SPMIP11: variants seen among roughly 807,000 people sequenced by gnomAD.
SPMIP11 encodes sperm microtubule inner protein 11.
the SPMIP11 span, among the ~76,000 whole-genome samples, chr12:48,749,895 G>A: frequency 5.3e-5 from 8 of 151,372 alleles, no homozygotes; most frequent in South Asian, 1.2e-3. Context: ...GTTTCACCGT[G>A]TTAGCCAGGA....
the SPMIP11 span, among the ~76,000 whole-genome samples, chr12:48,752,031 T>A: frequency 6.8e-6 from 1 of 147,084 alleles, no homozygotes; most frequent in South Asian, 2.1e-4. Flanking sequence ...CATGCCACTG[T>A]GCTCCAGCCT....
chr12:48,763,987 T>C, the SPMIP11 span, among the ~76,000 whole-genome samples: 1 of 146,294 alleles, frequency 6.8e-6, no homozygotes, highest in Non-Finnish European at 1.5e-5. Flanking sequence ...CAAAAGTACT[T>C]TTTTTTTTTT....
At chr12:48,769,002 T>C in the SPMIP11 span, 2 of 1,613,970 alleles carry the variant, frequency 1.2e-6, no homozygotes, top group Non-Finnish European at 1.7e-6. Context: ...TTCCCCCAGA[T>C]GTCATACTGT....
the SPMIP11 span, among the ~76,000 whole-genome samples, chr12:48,751,327 G>A: frequency 2.0e-5 from 3 of 152,182 alleles, no homozygotes; most frequent in Non-Finnish European, 4.4e-5. Context: ...CAGAAACTCA[G>A]TTTAAGCCAG....
chr12:48,728,048 CAAAA>C, the SPMIP11 span, among the ~76,000 whole-genome samples: 6 of 143,858 alleles, frequency 4.2e-5, no homozygotes, highest in African/African-American at 1.5e-4. Context: ...GAAACCATCT[CAAAA>C]AAAAAAAAAG....
At chr12:48,770,056 C>T in the SPMIP11 span, among the ~76,000 whole-genome samples, 6 of 149,590 alleles carry the variant, frequency 4.0e-5, no homozygotes, top group African/African-American at 1.5e-4. Context: ...CCACTGCGCC[C>T]GGCCTAATTT....
the SPMIP11 span, among the ~76,000 whole-genome samples, chr12:48,737,702 A>C: frequency 6.6e-6 from 1 of 152,158 alleles, no homozygotes; most frequent in African/African-American, 2.4e-5. Context: ...GGCGTGAGCC[A>C]CCGTGCCCAG....
At chr12:48,763,414 A>G in the SPMIP11 span, among the ~76,000 whole-genome samples, 1,804 of 151,742 alleles carry the variant, frequency 0.012, 29 homozygotes, top group African/African-American at 0.042. Flanking sequence ...GGCTGGAGTG[A>G]TCCATCTGCC....
the SPMIP11 span, among the ~76,000 whole-genome samples, chr12:48,762,036 C>T: frequency 7.1e-6 from 1 of 139,988 alleles, no homozygotes; most frequent in Non-Finnish European, 1.5e-5. Context: ...ATATAACACT[C>T]TTATAACATT....
chr12:48,770,012 C>T, the SPMIP11 span, among the ~76,000 whole-genome samples: 1 of 151,540 alleles, frequency 6.6e-6, no homozygotes, highest in African/African-American at 2.4e-5. Context: ...CCGCCTGCCT[C>T]GGACTCCCAA....
At chr12:48,730,712 T>C in the SPMIP11 span, among the ~76,000 whole-genome samples, 15 of 150,764 alleles carry the variant, frequency 9.9e-5, no homozygotes, top group East Asian at 2.8e-3. Context: ...CCGAGGCGGG[T>C]GGATCACCTG....
the SPMIP11 span, chr12:48,768,400 G>A: frequency 1.5e-4 from 115 of 747,302 alleles, 1 homozygote; most frequent in South Asian, 1.5e-3. Context: ...TAATCCTCTC[G>A]GTAGGTAGCC....
chr12:48,766,885 C>G, the SPMIP11 span: 2 of 152,306 alleles, frequency 1.3e-5, no homozygotes, highest in African/African-American at 4.8e-5. Context: ...AACTGAGGCA[C>G]CAACAAATTC....
the SPMIP11 span, among the ~76,000 whole-genome samples, chr12:48,770,201 G>A: frequency 6.6e-6 from 1 of 151,778 alleles, no homozygotes; most frequent in Non-Finnish European, 1.5e-5. Context: ...ACCGCGCCCG[G>A]CATGGCTTCA....
chr12:48,761,149 C>T, the SPMIP11 span, among the ~76,000 whole-genome samples: 2 of 150,708 alleles, frequency 1.3e-5, no homozygotes, highest in Non-Finnish European at 3.0e-5. Context: ...GGTGAAATCC[C>T]ATCTATAAAA....
At chr12:48,748,763 G>C in the SPMIP11 span, among the ~76,000 whole-genome samples, 1 of 152,124 alleles carries the variant, frequency 6.6e-6, no homozygotes. Flanking sequence ...GCAATTGGTA[G>C]ATAATTTCCA....
the SPMIP11 span, among the ~76,000 whole-genome samples, chr12:48,729,983 A>G: frequency 1.3e-5 from 2 of 152,084 alleles, no homozygotes; most frequent in African/African-American, 2.4e-5. Flanking sequence ...TCTTTCAGAA[A>G]AACAAACTCT....
the SPMIP11 span, chr12:48,771,172 C>T: frequency 1.7e-5 from 10 of 595,408 alleles, no homozygotes; most frequent in Non-Finnish European, 2.7e-5. This position sits in a 1 kb window ranked among gnomAD's most constrained non-coding sequence, Gnocchi z 4.3. Flanking sequence ...GGGCATACAG[C>T]TTCAGAAGGT....
the SPMIP11 span, among the ~76,000 whole-genome samples, chr12:48,757,884 C>T: frequency 6.6e-6 from 1 of 151,878 alleles, no homozygotes; most frequent in Non-Finnish European, 1.5e-5. Flanking sequence ...ATCCCAGCTA[C>T]TTGGCAGGCT....
Sources: allele counts gnomAD v4.1 joint callset (sites outside exome capture counted in the v4.1 genomes callset), GRCh38; gene constraint gnomAD v4.1.1; non-coding constraint Gnocchi (gnomAD v3.1); transcripts MANE v1.5; gene names NCBI Gene and HGNC (gene_info 2026-07-23, HGNC 2026-07-21).